The following ANKFN1 variants were observed in gnomAD, a reference collection of about 807,000 sequenced individuals.
The protein encoded by ANKFN1 is ankyrin repeat and fibronectin type-III domain-containing protein 1.
ANKFN1 carries 74 observed loss-of-function variants against 108.7 expected under a neutral mutation model. The observed-to-expected ratio is 0.68, with a 90% confidence interval of 0.56 to 0.83. The LOEUF is 0.83. ANKFN1 is among the 40% of genes least tolerant of loss of function. The pLI, the probability that ANKFN1 is intolerant of heterozygous loss-of-function variation, is 0.00. For synonymous variants in ANKFN1, 547 were observed against 516.2 expected (o/e 1.06, Z -0.81); for missense variants, 1,505 against 1,382.3 (o/e 1.09, Z -1.41).
intron 15 of ANKFN1, among the ~76,000 whole-genome samples, chr17:56,468,156 G>C (rs1457191962): frequency 1.3e-5 from 2 of 152,150 alleles, no homozygotes; most frequent in Non-Finnish European, 2.9e-5. Flanking sequence ...TGCAAATCAG[G>C]CTTCTTTCTG....
At chr17:56,178,791 A>T (rs1384929054) in intron 1 of ANKFN1, among the ~76,000 whole-genome samples, 1 of 152,178 alleles carries the variant, frequency 6.6e-6, no homozygotes, top group East Asian at 1.9e-4. Context: ...TAATATGCTG[A>T]TGGACATCAT....
At chr17:56,053,153 T>C (rs1904807181) in intron 4 of ANKFN1, among the ~76,000 whole-genome samples, 1 of 152,194 alleles carries the variant, frequency 6.6e-6, no homozygotes, top group Non-Finnish European at 1.5e-5. Flanking sequence ...TTTTACTTTT[T>C]TTATTTCTAA....
intron 15 of ANKFN1, 22 bp from the exon 16 acceptor site, chr17:56,477,466 T>C (rs760783933): frequency 1.6e-5 from 24 of 1,487,554 alleles, no homozygotes; most frequent in Admixed American, 4.9e-5. Context: ...TTTTCTTTTT[T>C]TTTTTTTTTT....
At chr17:56,464,456 A>G (rs1413604518) in intron 14 of ANKFN1, among the ~76,000 whole-genome samples, 1 of 152,220 alleles carries the variant, frequency 6.6e-6, no homozygotes, top group East Asian at 1.9e-4. Context: ...TGAAACAACT[A>G]TGAATTCATA....
intron 20 of ANKFN1, among the ~76,000 whole-genome samples, chr17:56,503,577 GATT>G (rs2051454002): frequency 7.1e-6 from 1 of 139,948 alleles, no homozygotes; most frequent in Non-Finnish European, 1.5e-5. Context: ...GGCAAATATG[GATT>G]ATTATTCTTT....
At chr17:56,417,214 G>GTA (rs1159951385) in intron 8 of ANKFN1, among the ~76,000 whole-genome samples, 1 of 152,108 alleles carries the variant, frequency 6.6e-6, no homozygotes, top group Non-Finnish European at 1.5e-5. Context: ...ATAACTAAGA[G>GTA]TATAATTGGA....
chr17:56,065,189 A>G (rs766072085), intron 4 of ANKFN1, among the ~76,000 whole-genome samples: 1 of 152,096 alleles, frequency 6.6e-6, no homozygotes, highest in African/African-American at 2.4e-5. Flanking sequence ...TGTCTTATCT[A>G]TGCTATTGCT....
At chr17:56,259,497 T>C (rs1226497962) in intron 3 of ANKFN1, among the ~76,000 whole-genome samples, 1 of 152,162 alleles carries the variant, frequency 6.6e-6, no homozygotes, top group African/African-American at 2.4e-5. Flanking sequence ...ATTGTCCCTG[T>C]TTTGTCACTT....
At chr17:56,331,067 C>A (rs536372919) in intron 4 of ANKFN1, among the ~76,000 whole-genome samples, 1 of 152,272 alleles carries the variant, frequency 6.6e-6, no homozygotes, top group East Asian at 1.9e-4. Flanking sequence ...GTCTAACTTT[C>A]TTTTCTGCCT....
intron 3 of ANKFN1, among the ~76,000 whole-genome samples, chr17:56,270,254 C>A (rs1242294303): frequency 6.6e-6 from 1 of 152,120 alleles, no homozygotes; most frequent in African/African-American, 2.4e-5. Flanking sequence ...CGGGGCTTCA[C>A]AAAGGGAGCC....
At chr17:56,465,867 T>C (rs1023062276) in intron 14 of ANKFN1, among the ~76,000 whole-genome samples, 2 of 152,202 alleles carry the variant, frequency 1.3e-5, no homozygotes, top group Admixed American at 1.3e-4. Flanking sequence ...GTGCAGTCAT[T>C]TGGGGACCTG....
At chr17:56,226,101 T>G (rs1272539411) in intron 2 of ANKFN1, among the ~76,000 whole-genome samples, 1 of 151,954 alleles carries the variant, frequency 6.6e-6, no homozygotes, top group African/African-American at 2.4e-5. Flanking sequence ...TCAGTGGACT[T>G]TTTTTTTGTT....
intron 8 of ANKFN1, among the ~76,000 whole-genome samples, chr17:56,435,209 A>G (rs2048893847): frequency 6.6e-6 from 1 of 152,146 alleles, no homozygotes; most frequent in Admixed American, 6.5e-5. Context: ...GTAGACTTCA[A>G]GCATTCCAAA....
intron 6 of ANKFN1, among the ~76,000 whole-genome samples, chr17:56,357,471 C>T (rs553289442): frequency 6.6e-6 from 1 of 152,196 alleles, no homozygotes; most frequent in African/African-American, 2.4e-5. Context: ...ACTGCCTTTC[C>T]ACATAACCAA....
intron 4 of ANKFN1, among the ~76,000 whole-genome samples, chr17:56,062,468 C>T (rs1417149532): frequency 6.6e-6 from 1 of 151,970 alleles, no homozygotes; most frequent in East Asian, 1.9e-4. Context: ...TTGAATTGTT[C>T]CCTTTACCAT....
intron 3 of ANKFN1, among the ~76,000 whole-genome samples, chr17:56,322,623 C>T (rs907778400): frequency 3.3e-5 from 5 of 152,200 alleles, no homozygotes; most frequent in African/African-American, 1.2e-4. Context: ...CTAACAGCCC[C>T]GGAACTCTAT....
intron 2 of ANKFN1, among the ~76,000 whole-genome samples, chr17:56,214,148 T>A (rs1915250203): frequency 6.6e-6 from 1 of 152,208 alleles, no homozygotes; most frequent in African/African-American, 2.4e-5. Context: ...AGAGAATACA[T>A]CAGACTTCAC....
At chr17:56,234,255 C>T (rs1442394943) in intron 3 of ANKFN1, among the ~76,000 whole-genome samples, 1 of 151,914 alleles carries the variant, frequency 6.6e-6, no homozygotes, top group Non-Finnish European at 1.5e-5. Context: ...GGATACAAAG[C>T]ATTCAAATAA....
chr17:56,148,021 C>T (rs1039824097), intron 4 of ANKFN1, among the ~76,000 whole-genome samples: 1 of 152,190 alleles, frequency 6.6e-6, no homozygotes, highest in Non-Finnish European at 1.5e-5. Context: ...TCCTGTCTTA[C>T]AGATAAAGAA....
Sources: allele counts gnomAD v4.1 joint callset (sites outside exome capture counted in the v4.1 genomes callset), GRCh38; gene constraint gnomAD v4.1.1; transcripts MANE v1.5; gene names NCBI Gene and HGNC (gene_info 2026-07-23, HGNC 2026-07-21).